Variants in GALNT2 observed in about 807,000 individuals in gnomAD.
GALNT2 encodes polypeptide N-acetylgalactosaminyltransferase 2.
A neutral mutation model predicts 81.4 loss-of-function variants in GALNT2; 31 were observed. The observed-to-expected ratio is 0.38, with a 90% CI of 0.29 to 0.51. GALNT2 has a LOEUF of 0.51. Among genes scored for constraint, GALNT2 ranks in the 20% least tolerant of loss-of-function variants. The pLI is 0.87. For synonymous variants in GALNT2, 303 were observed against 287.4 expected (o/e 1.05, Z -0.55); for missense variants, 629 against 765.7 (o/e 0.82, Z 2.11).
chr1:230,212,535 A>AGTCAGTGTGACATCTCTGCCT (rs1164114984), intron 3 of GALNT2, among the ~76,000 whole-genome samples: 4 of 152,136 alleles, frequency 2.6e-5, no homozygotes, highest in African/African-American at 9.7e-5. Flanking sequence ...TTGTGTGTTC[A>AGTCAGTGTGACATCTCTGCCT]GTCAGTGTGA....
chr1:230,249,163 G>A lies in GALNT2; in HGVS notation c.818-21G>A, dbSNP rs755125585. ...GTGGCCAGTCTCTTGTCAACACCCTGTTTCTTTTCCTGGCTGGCAGGTTTT... is the reference window on the plus strand; with the variant it reads ...GTGGCCAGTCTCTTGTCAACACCCTATTTCTTTTCCTGGCTGGCAGGTTTT... On this transcript the variant is annotated intron_variant, in intron 8 of 15. Transcript: ENST00000366672. 65 of 1,612,386 alleles carry A rather than the reference G, an allele frequency of 4.0e-5. No individual in the cohort carries two copies. The Admixed American group carries it at 1.1e-3, about 26-fold the overall frequency.
At chr1:230,235,815 G>A (rs1665009236) in intron 3 of GALNT2, among the ~76,000 whole-genome samples, 199 bp from the exon 4 acceptor site, 1 of 152,102 alleles carries the variant, frequency 6.6e-6, no homozygotes, top group African/African-American at 2.4e-5. Flanking sequence ...CTCTCAGAAC[G>A]TAACTCCGGT....
chr1:230,236,472 A>G, intron 5 of GALNT2, 52 bp downstream of exon 5: 1 of 1,576,978 alleles, frequency 6.3e-7, no homozygotes, highest in Non-Finnish European at 8.7e-7. Flanking sequence ...TCTGGGCACC[A>G]GTCTTCCTGT....
At chr1:230,273,056 T>C (rs1401260386) in intron 14 of GALNT2, among the ~76,000 whole-genome samples, 1 of 152,168 alleles carries the variant, frequency 6.6e-6, no homozygotes, top group Non-Finnish European at 1.5e-5. Flanking sequence ...TAGATAGGCC[T>C]GAGCCACCAC....
intron 8 of GALNT2, among the ~76,000 whole-genome samples, chr1:230,248,025 C>T (rs1421799050): frequency 6.6e-6 from 1 of 152,180 alleles, no homozygotes; most frequent in Non-Finnish European, 1.5e-5. Context: ...CAGGGGTCTC[C>T]TCTCTGTGCA....
intron 1 of GALNT2, among the ~76,000 whole-genome samples, chr1:230,083,510 GC>G (rs1343323914): frequency 6.6e-6 from 1 of 152,080 alleles, no homozygotes; most frequent in Non-Finnish European, 1.5e-5. Flanking sequence ...GAGCTGGGGG[GC>G]CCAATGATGG....
chr1:230,081,097 C>A (rs1032908180), intron 1 of GALNT2, among the ~76,000 whole-genome samples: 1 of 152,178 alleles, frequency 6.6e-6, no homozygotes, highest in Admixed American at 6.5e-5. Context: ...CTCCAGCCTC[C>A]GCAGACCATG....
intron 1 of GALNT2, among the ~76,000 whole-genome samples, chr1:230,068,642 G>A (rs1659281539): frequency 6.6e-6 from 1 of 152,172 alleles, no homozygotes; most frequent in South Asian, 2.1e-4. Flanking sequence ...GGGTTTGGCT[G>A]CTTCAGAGGT....
intron 1 of GALNT2, among the ~76,000 whole-genome samples, chr1:230,128,141 C>T (rs1571994370): frequency 6.6e-6 from 1 of 152,200 alleles, no homozygotes; most frequent in Non-Finnish European, 1.5e-5. Context: ...GTCAGGCCCC[C>T]AGAAGGCCTC....
chr1:230,241,125 T>C (rs1175131690), intron 6 of GALNT2, among the ~76,000 whole-genome samples: 2 of 152,234 alleles, frequency 1.3e-5, no homozygotes, highest in Non-Finnish European at 2.9e-5. Context: ...TGCCTTTGAG[T>C]TATTAAACAT....
At chr1:230,254,814 C>G (rs1289609573) in intron 10 of GALNT2, among the ~76,000 whole-genome samples, 1 of 152,168 alleles carries the variant, frequency 6.6e-6, no homozygotes, top group Admixed American at 6.5e-5. Context: ...GATCGTGAGC[C>G]AGCTAGTGAA....
At position 230,168,069 on chromosome 1, in the gene GALNT2, C is replaced by T. The variant is rs142085407; in HGVS notation, c.127-10149C>T. ...TCAGCTGTGGTTGGGAAACCCAGAA[C>T]AAGAAGTGAGCTGCAGTTGAGAGAG... is the stretch of plus-strand genomic sequence containing the variant. On this transcript the variant is annotated intron_variant, in intron 1 of 15. Transcript: ENST00000366672. Among the ~76,000 whole-genome samples, 12 of 151,964 alleles carry T rather than the reference C, an allele frequency of 7.9e-5. No individual in the cohort carries two copies. The East Asian group carries it at 2.3e-3, about 30-fold the overall frequency.
At chr1:230,273,392 T>G (rs1409609929) in intron 14 of GALNT2, among the ~76,000 whole-genome samples, 3 of 152,200 alleles carry the variant, frequency 2.0e-5, no homozygotes, top group African/African-American at 4.8e-5. Context: ...GGAGGGCCAC[T>G]GCAGCGTGCT....
chr1:230,266,299 G>A (rs1017184424), intron 14 of GALNT2, among the ~76,000 whole-genome samples: 2 of 152,062 alleles, frequency 1.3e-5, no homozygotes, highest in Non-Finnish European at 2.9e-5. Flanking sequence ...CTGAGACTTC[G>A]GATTCTAAAA....
At chr1:230,266,147 T>G (rs1572157206) in intron 14 of GALNT2, among the ~76,000 whole-genome samples, 1 of 152,238 alleles carries the variant, frequency 6.6e-6, no homozygotes, top group African/African-American at 2.4e-5. Context: ...TGAGCTGAGA[T>G]CACACCATTG....
intron 6 of GALNT2, among the ~76,000 whole-genome samples, chr1:230,242,924 C>A (rs1188035139): frequency 6.6e-6 from 1 of 152,156 alleles, no homozygotes; most frequent in Non-Finnish European, 1.5e-5. Flanking sequence ...ACACCATTAG[C>A]ACTGGAAGTC....
At chr1:230,076,754 A>C (rs1659571912) in intron 1 of GALNT2, among the ~76,000 whole-genome samples, 6 of 149,686 alleles carry the variant, frequency 4.0e-5, no homozygotes, top group Admixed American at 3.3e-4. Context: ...GTAGGTACCA[A>C]TCCCATAAAA....
chr1:230,237,484 G>A (rs1558154358), intron 6 of GALNT2, among the ~76,000 whole-genome samples: 1 of 152,170 alleles, frequency 6.6e-6, no homozygotes, highest in Non-Finnish European at 1.5e-5. Context: ...CAGGGGTGGT[G>A]ATTGTATTCC....
intron 11 of GALNT2, among the ~76,000 whole-genome samples, chr1:230,256,873 TGATTAGGACAA>T (rs1665731990): frequency 6.6e-6 from 1 of 152,064 alleles, no homozygotes; most frequent in Non-Finnish European, 1.5e-5. Context: ...TGGTCGGGCA[TGATTAGGACAA>T]GCAGTAGGAG....
Sources: gnomAD v4.1 joint callset for allele counts (sites outside exome capture counted in the v4.1 genomes callset) on GRCh38, gnomAD v4.1.1 for gene constraint, MANE v1.5 for transcripts, NCBI Gene and HGNC (gene_info 2026-07-23, HGNC 2026-07-21) for gene names.